ZNF146: variants seen among roughly 807,000 people sequenced by gnomAD.
ZNF146 encodes zinc finger protein OZF.
In ZNF146, 9 loss-of-function variants were observed where a neutral mutation model predicts 22.2. The observed-to-expected ratio is 0.41, with a 90% CI of 0.24 to 0.71. The LOEUF (loss-of-function observed/expected upper bound fraction) is 0.71. Among genes scored for constraint, ZNF146 ranks in the 30% least tolerant of loss-of-function variants. ZNF146 has a pLI of 0.34. For synonymous variants in ZNF146, 108 were observed against 119.2 expected, an observed-to-expected ratio of 0.91 and a Z score of 0.61; for missense variants, 194 against 344.8, an observed-to-expected ratio of 0.56 and a Z score of 3.46.
At chr19:36,228,921 G>T (rs995399083) in intron 3 of ZNF146, 102 bp downstream of exon 3, 10 of 152,162 alleles carry the variant, frequency 6.6e-5, no homozygotes, top group Admixed American at 2.0e-4. Flanking sequence ...ATAGAGTATT[G>T]CTTGGTATGA....
chr19:36,236,477 G>A lies in ZNF146; in HGVS notation c.37G>A (p.Glu13Lys). Residue 13 changes from glutamate (E) to lysine (K), a missense_variant, in exon 4 of 4, where the codon GAA becomes AAA. By Grantham distance (56) the Glu-to-Lys change is moderately conservative. This residue lies in a region of ZNF146 where 47 missense variants were observed against 44.7 expected (regional missense o/e 1.05). Coordinates refer to ENST00000443387, the MANE Select transcript of ZNF146 (RefSeq NM_007145.3). ...CAGCCAGCAGAGAATTTACAGTGGG[G>A]AAAACCCCTTTGCCTGTAAGGTATG... The part of the protein sequence containing the change: ...HLSQQRIYSG[E>K]NPFACKVCGK... 6.2e-7 allele frequency: 1 copy of A among 1,612,422 alleles called. No homozygotes were observed. The highest frequency in any genetic ancestry group is 1.3e-5 in the African/African-American group (1 of 74,936).
At chr19:36,233,169 T>G (rs1977464110) in intron 3 of ZNF146, among the ~76,000 whole-genome samples, 1 of 152,162 alleles carries the variant, frequency 6.6e-6, no homozygotes, top group South Asian at 2.1e-4. Flanking sequence ...GATCACCAGA[T>G]GTCAGGAGTT....
chr19:36,226,396 T>TG (rs970722430), intron 2 of ZNF146, among the ~76,000 whole-genome samples: 1 of 152,160 alleles, frequency 6.6e-6, no homozygotes, highest in African/African-American at 2.4e-5. Context: ...ACATAGTGGA[T>TG]GGGGGGTATA....
intron 3 of ZNF146, among the ~76,000 whole-genome samples, chr19:36,233,254 C>G (rs1302052457): frequency 1.3e-5 from 2 of 152,084 alleles, no homozygotes; most frequent in African/African-American, 2.4e-5. Context: ...TGATGCATGC[C>G]TGTAATCCCA....
At position 36,238,635 on chromosome 19, in the gene ZNF146, G is replaced by T. The variant is rs1977734074; in HGVS notation, c.*1316G>T. The T allele has an allele frequency of 6.0e-6, 1 of 166,968 alleles. No individual in the cohort carries two copies. Among genetic ancestry groups the T allele is most frequent in the East Asian group, 1.9e-4 (1 of 5,206 alleles). The allele number at this position is 166,968 out of a possible 1,614,324, so 10.3% of individuals were successfully genotyped here. On this transcript the variant is annotated 3_prime_UTR_variant, in exon 4 of 4. Transcript: ENST00000443387. ...TATCTGTGGAAGTCATGTTATACTG[G>T]ATTCATTTCCAATTAAATACTAAAC...
chr19:36,218,758 T>G (rs1976716600), intron 2 of ZNF146, among the ~76,000 whole-genome samples: 1 of 151,928 alleles, frequency 6.6e-6, no homozygotes. Flanking sequence ...CGTGAGCCAC[T>G]GCGCCCGGCC....
intron 2 of ZNF146, among the ~76,000 whole-genome samples, chr19:36,223,429 T>C (rs1203202189): frequency 6.6e-6 from 1 of 151,570 alleles, no homozygotes; most frequent in Non-Finnish European, 1.5e-5. Context: ...GTGGTGCGAT[T>C]TCGGCTCACT....
At chr19:36,234,174 A>G (rs995297156) in intron 3 of ZNF146, among the ~76,000 whole-genome samples, 2 of 152,212 alleles carry the variant, frequency 1.3e-5, no homozygotes, top group African/African-American at 4.8e-5. Context: ...TTGACACAGC[A>G]CATGTTTCAG....
chr19:36,219,764 T>G (rs1208275065), intron 2 of ZNF146, among the ~76,000 whole-genome samples: 2 of 152,218 alleles, frequency 1.3e-5, no homozygotes, highest in South Asian at 2.1e-4. Context: ...TTCTGTTTTT[T>G]TTGTTGTTGT....
chr19:36,226,899 C>T (rs1977090964), intron 2 of ZNF146, among the ~76,000 whole-genome samples: 1 of 151,514 alleles, frequency 6.6e-6, no homozygotes, highest in Non-Finnish European at 1.5e-5. Context: ...TTCAGCCTAA[C>T]ACAGAGAAAC....
At chr19:36,220,808 A>C (rs1213261533) in intron 2 of ZNF146, among the ~76,000 whole-genome samples, 1 of 152,154 alleles carries the variant, frequency 6.6e-6, no homozygotes, top group East Asian at 1.9e-4. Context: ...TCATGTTAAA[A>C]AATTCTTTCT....
At chr19:36,233,517 C>G (rs558124590) in intron 3 of ZNF146, among the ~76,000 whole-genome samples, 2 of 152,048 alleles carry the variant, frequency 1.3e-5, no homozygotes, top group East Asian at 3.9e-4. Flanking sequence ...TCAAGAGGAC[C>G]GGCCTCTTGA....
chr19:36,228,120 A>G (rs890727701), intron 2 of ZNF146, among the ~76,000 whole-genome samples: 2 of 150,474 alleles, frequency 1.3e-5, no homozygotes, highest in East Asian at 2.0e-4. Flanking sequence ...AGATTGCACA[A>G]TTGCACTCTA....
At chr19:36,223,456 G>A (rs955495665) in intron 2 of ZNF146, among the ~76,000 whole-genome samples, 3 of 151,434 alleles carry the variant, frequency 2.0e-5, no homozygotes, top group African/African-American at 4.8e-5. Context: ...TCCGCCTCCC[G>A]GGTTCACGCC....
intron 3 of ZNF146, among the ~76,000 whole-genome samples, chr19:36,233,002 G>A (rs886665034): frequency 2.0e-5 from 3 of 152,100 alleles, no homozygotes; most frequent in South Asian, 2.1e-4. Context: ...CCACGCTTTT[G>A]TATGTCCGTA....
chr19:36,233,339 C>T (rs1489751722), intron 3 of ZNF146, among the ~76,000 whole-genome samples: 1 of 152,128 alleles, frequency 6.6e-6, no homozygotes, highest in South Asian at 2.1e-4. Flanking sequence ...GAGATCGCAC[C>T]ACTGCACACC....
intron 3 of ZNF146, among the ~76,000 whole-genome samples, chr19:36,232,194 C>CAA (rs35069898): frequency 1.2e-4 from 13 of 108,928 alleles, no homozygotes; most frequent in East Asian, 2.7e-4. Flanking sequence ...GACTCCATCT[C>CAA]AAAAAAAAAA....
chr19:36,235,223 AGAAAG>A (rs1977601357), intron 3 of ZNF146, among the ~76,000 whole-genome samples: 1 of 151,512 alleles, frequency 6.6e-6, no homozygotes, highest in Admixed American at 6.6e-5. Flanking sequence ...AAAAAAAAGA[AGAAAG>A]AAAGATGAAC....
chr19:36,237,475 G>C lies in ZNF146; in HGVS notation c.*156G>C. 5 of 855,418 alleles carry C rather than the reference G, an allele frequency of 5.8e-6. No individual in the cohort carries two copies. Among genetic ancestry groups the C allele is most frequent in the Non-Finnish European group, 8.7e-6 (5 of 573,588 alleles). 53.0% of individuals were successfully genotyped at this position (855,418 alleles called of 1,614,324 possible). ...GGGACACCAGAAAATTTGTACTGAA[G>C]AGAAAGACATGCATATGATTAAAAC... On this transcript the variant is annotated 3_prime_UTR_variant, in exon 4 of 4. Transcript: ENST00000443387.
Sources: allele counts gnomAD v4.1 joint callset (sites outside exome capture counted in the v4.1 genomes callset), GRCh38; gene constraint gnomAD v4.1.1; regional missense constraint gnomAD v4.1.1; transcripts MANE v1.5; gene names NCBI Gene and HGNC (gene_info 2026-07-23, HGNC 2026-07-21).